Variants in ZPLD1 observed in about 807,000 individuals in gnomAD.
ZPLD1 encodes the protein zona pellucida like domain containing 1.
A neutral mutation model predicts 47.2 loss-of-function variants in ZPLD1; 34 were observed. The ratio of observed to expected loss-of-function variants is 0.72; its 90% CI spans 0.55 to 0.96. The LOEUF (loss-of-function observed/expected upper bound fraction) is 0.96. Ranked by LOEUF, ZPLD1 falls within the 40% of genes least tolerant of loss-of-function variation. The probability of loss-of-function intolerance (pLI) is 0.00; values close to 1 mark genes in which losing one functional copy is unlikely to be tolerated. For missense variants in ZPLD1, 512 were observed against 505.8 expected (o/e 1.01, Z -0.12); for synonymous variants, 176 against 186.2 (o/e 0.95, Z 0.45).
intron 10 of ZPLD1, among the ~76,000 whole-genome samples, chr3:102,475,256 C>T (rs1217946271): frequency 2.0e-5 from 3 of 151,974 alleles, no homozygotes; most frequent in Non-Finnish European, 2.9e-5. Context: ...ACAGCGAAGT[C>T]CTCATTAATG....
intron 10 of ZPLD1, among the ~76,000 whole-genome samples, chr3:102,473,415 G>T (rs1462977070): frequency 1.3e-5 from 2 of 151,986 alleles, no homozygotes; most frequent in Non-Finnish European, 2.9e-5. Flanking sequence ...GTCATGCCTG[G>T]ATTTCTTTCC....
chr3:102,396,736 C>T (rs540387332), intron 7 of ZPLD1, among the ~76,000 whole-genome samples: 5 of 152,218 alleles, frequency 3.3e-5, no homozygotes, highest in East Asian at 1.9e-4. Context: ...CCTTTGACCA[C>T]GGCACTCTGT....
chr3:102,450,918 T>C (rs1707328186), intron 3 of ZPLD1, among the ~76,000 whole-genome samples: 1 of 152,240 alleles, frequency 6.6e-6, no homozygotes, highest in Non-Finnish European at 1.5e-5. Flanking sequence ...GTTGCCGAAG[T>C]ATGAAGATAC....
At chr3:102,463,627 A>G (rs1184868466) in intron 7 of ZPLD1, among the ~76,000 whole-genome samples, 1 of 152,174 alleles carries the variant, frequency 6.6e-6, no homozygotes, top group Non-Finnish European at 1.5e-5. Flanking sequence ...TTTATGGGGT[A>G]CTTGAGATGT....
intron 8 of ZPLD1, among the ~76,000 whole-genome samples, chr3:102,468,452 GAAA>G (rs1212819127): frequency 6.6e-6 from 1 of 152,056 alleles, no homozygotes; most frequent in Non-Finnish European, 1.5e-5. Context: ...TACAGCTGTG[GAAA>G]AAAATGAGGA....
chr3:102,428,914 G>T (rs75464230), intron 8 of ZPLD1, among the ~76,000 whole-genome samples: 1 of 151,854 alleles, frequency 6.6e-6, no homozygotes, highest in African/African-American at 2.4e-5. Context: ...AAACCAACAC[G>T]CATAGATTCT....
At position 102,457,819 on chromosome 3, in the gene ZPLD1, C is replaced by T; in HGVS notation, c.548C>T (p.Thr183Ile). 1 of 1,613,928 alleles carries T rather than the reference C, an allele frequency of 6.2e-7. No homozygotes were observed. The highest frequency in any genetic ancestry group is 8.5e-7 in the Non-Finnish European group (1 of 1,179,926). Reference protein sequence around the residue: ...AAISVRENNGTFVSTLNLLLY... With the variant: ...AAISVRENNGIFVSTLNLLLY... ...ATTTCTGTGAGAGAGAACAATGGCA[C>T]ATTTGTCAGCACTTTGAACCTGCTC... The change falls in exon 6 of 12, where the codon ACA (threonine) becomes ATA (isoleucine). Residue 183 changes from threonine (T) to isoleucine (I), a missense_variant. Coordinates refer to ENST00000466937, the MANE Select transcript of ZPLD1 (RefSeq NM_001329788.2).
chr3:102,386,992 TCTG>T (rs1706431468), intron 6 of ZPLD1, among the ~76,000 whole-genome samples: 1 of 152,222 alleles, frequency 6.6e-6, no homozygotes, highest in Admixed American at 6.5e-5. Flanking sequence ...CTATTTCTTT[TCTG>T]CTATGATAGC....
At chr3:102,415,082 C>T (rs1370198108) in intron 7 of ZPLD1, among the ~76,000 whole-genome samples, 1 of 151,804 alleles carries the variant, frequency 6.6e-6, no homozygotes, top group Non-Finnish European at 1.5e-5. Context: ...TTGTTTGGGC[C>T]TTCTTTCAAG....
chr3:102,393,035 G>A (rs141123615), intron 7 of ZPLD1, among the ~76,000 whole-genome samples: 25 of 152,094 alleles, frequency 1.6e-4, no homozygotes, highest in Middle Eastern at 3.4e-3. Flanking sequence ...TATCTGGTAC[G>A]TCTATAATTT....
chr3:102,435,378 C>A (rs1357230506), intron 1 of ZPLD1, among the ~76,000 whole-genome samples: 1 of 152,138 alleles, frequency 6.6e-6, no homozygotes, highest in East Asian at 1.9e-4. Context: ...CATTGTAACT[C>A]AAATAGAGAT....
At chr3:102,439,349 C>A (rs1177641810) in intron 3 of ZPLD1, among the ~76,000 whole-genome samples, 2 of 152,188 alleles carry the variant, frequency 1.3e-5, no homozygotes, top group Non-Finnish European at 2.9e-5. Flanking sequence ...AAACAGCAAA[C>A]CTGCATAGAG....
intron 7 of ZPLD1, among the ~76,000 whole-genome samples, chr3:102,400,094 C>T (rs918372755): frequency 1.3e-5 from 2 of 152,012 alleles, no homozygotes; most frequent in African/African-American, 4.8e-5. Context: ...GCTGGGATTA[C>T]AGGAGTGAGC....
At chr3:102,436,232 A>G (rs1025928512) in intron 1 of ZPLD1, among the ~76,000 whole-genome samples, 1 of 152,240 alleles carries the variant, frequency 6.6e-6, no homozygotes, top group African/African-American at 2.4e-5. Context: ...TTCAATTAAC[A>G]TGAGTTTTTC....
chr3:102,419,070 TGGA>T (rs1706845025), intron 8 of ZPLD1, among the ~76,000 whole-genome samples: 1 of 152,064 alleles, frequency 6.6e-6, no homozygotes, highest in South Asian at 2.1e-4. Flanking sequence ...TCCTTTGAAT[TGGA>T]TTCTTATAAT....
intron 10 of ZPLD1, among the ~76,000 whole-genome samples, chr3:102,474,891 C>G (rs1162147540): frequency 6.6e-6 from 1 of 152,024 alleles, no homozygotes; most frequent in East Asian, 1.9e-4. Context: ...ATGTCAAGAC[C>G]AAGTGGGTTC....
intron 7 of ZPLD1, among the ~76,000 whole-genome samples, chr3:102,417,724 A>G (rs1706825958): frequency 6.6e-6 from 1 of 151,914 alleles, no homozygotes; most frequent in African/African-American, 2.4e-5. Context: ...GGACATTGAT[A>G]ACTGTGCAGA....
intron 1 of ZPLD1, among the ~76,000 whole-genome samples, 161 bp from the exon 2 acceptor site, chr3:102,436,699 G>A (rs1707096213): frequency 6.6e-6 from 1 of 152,262 alleles, no homozygotes; most frequent in African/African-American, 2.4e-5. Flanking sequence ...ATATAAATGA[G>A]CAGCTATAGG....
intron 8 of ZPLD1, among the ~76,000 whole-genome samples, chr3:102,429,157 G>A (rs1706985991): frequency 6.6e-6 from 1 of 152,132 alleles, no homozygotes; most frequent in South Asian, 2.1e-4. Context: ...GGAAGTTCAT[G>A]TCATTGTTGT....
Sources: gnomAD v4.1 joint callset for allele counts (sites outside exome capture counted in the v4.1 genomes callset) on GRCh38, gnomAD v4.1.1 for gene constraint, MANE v1.5 for transcripts, NCBI Gene and HGNC (gene_info 2026-07-23, HGNC 2026-07-21) for gene names.